The following HDLBP variants were observed in gnomAD, a reference collection of about 807,000 sequenced individuals.
HDLBP encodes the protein vigilin.
HDLBP carries 30 observed loss-of-function variants against 137.3 expected under a neutral mutation model. The observed-to-expected ratio is 0.22, with a 90% CI of 0.16 to 0.30. The LOEUF (loss-of-function observed/expected upper bound fraction) is 0.30. Ranked by LOEUF, HDLBP falls within the 10% of genes least tolerant of loss-of-function variation. The pLI is 1.00. For synonymous variants in HDLBP, 606 were observed against 596.0 expected (o/e 1.02, Z -0.24); for missense variants, 1,119 against 1,667.3 (o/e 0.67, Z 5.73).
Position 241,240,053 on chromosome 2 carries a change from C to A in HDLBP, c.2239G>T (p.Gly747Cys). Residue 747 changes from glycine (G) to cysteine (C), a missense_variant, in exon 18 of 28, where the codon GGC (glycine) becomes TGC (cysteine). By Grantham distance (159) the Gly-to-Cys change is radical (BLOSUM62 -3). This residue lies in a region of HDLBP where 618 missense variants were observed against 816.7 expected (regional missense o/e 0.76). Transcript: ENST00000310931. This position sits in a 1 kb window ranked among gnomAD's most constrained non-coding sequence, Gnocchi z 5.5. ...TCGCGCACCTTGCGAATTTTGCCGC[C>A]CCCCTTGCCGATGAGGAATTTGTGG... is the stretch of plus-strand genomic sequence containing the variant. ...EYHKFLIGKGGGKIRKVRDST... is the reference protein window; with the variant it reads ...EYHKFLIGKGCGKIRKVRDST... The A allele has an allele frequency of 2.5e-6, 4 of 1,614,184 alleles. No homozygotes were observed. Among genetic ancestry groups the A allele is most frequent in the Non-Finnish European group, 3.4e-6 (4 of 1,180,036 alleles).
rs923225159 is a variant in HDLBP, at chr2:241,272,626, G to C, written c.-102-4085C>G. 4.1e-6 allele frequency: 4 copies of C among 978,658 alleles called. No individual in the cohort carries two copies. Among genetic ancestry groups the C allele is most frequent in the Admixed American group, 6.2e-5 (1 of 16,088 alleles). 60.6% of individuals were successfully genotyped at this position (978,658 alleles called of 1,614,324 possible). A position where few individuals can be genotyped will look rare whatever the true frequency, so the allele number is the denominator to read the frequency against. On this transcript the variant is annotated intron_variant, in intron 1 of 27. Coordinates refer to ENST00000310931, the MANE Select transcript of HDLBP (RefSeq NM_005336.6). This position sits in a 1 kb window ranked among gnomAD's most constrained non-coding sequence, Gnocchi z 5.6. The stretch of plus-strand genomic sequence containing the variant: ...GGGGGCCGCAGCCTGGGGCCCGGGT[G>C]GGGGCCGCGGCACCCGGGCCCCTCC...
At chr2:241,266,182 C>T (rs2073659987) in intron 3 of HDLBP, among the ~76,000 whole-genome samples, 2 of 152,172 alleles carry the variant, frequency 1.3e-5, no homozygotes, top group South Asian at 4.1e-4. Flanking sequence ...AAATACACAT[C>T]AGACTTCGAA....
chr2:241,313,726 G>A (rs954871177), intron 1 of HDLBP, among the ~76,000 whole-genome samples: 16 of 152,172 alleles, frequency 1.1e-4, no homozygotes, highest in African/African-American at 3.4e-4. Flanking sequence ...AACAAAACCT[G>A]GAAAAATACG....
At chr2:241,248,383 C>T (rs746585399) in intron 12 of HDLBP, 35 bp from the exon 13 acceptor site, 2 of 1,538,760 alleles carry the variant, frequency 1.3e-6, no homozygotes, top group South Asian at 2.2e-5. Flanking sequence ...TCATTTATCA[C>T]AAGCACGGCG....
chr2:241,302,440 G>A (rs145426635), intron 1 of HDLBP, among the ~76,000 whole-genome samples: 59 of 152,186 alleles, frequency 3.9e-4, no homozygotes, highest in African/African-American at 1.3e-3. Context: ...CTAGCTACTC[G>A]GCAGAAGCAG....
At position 241,240,283 on chromosome 2, in the gene HDLBP, A is replaced by G; in HGVS notation, c.2170-161T>C. 5.9e-6 allele frequency: 4 copies of G among 673,702 alleles called. No individual in the cohort carries two copies. Among genetic ancestry groups the G allele is most frequent in the Non-Finnish European group, 1.1e-5 (4 of 372,480 alleles). 41.7% of individuals were successfully genotyped at this position (673,702 alleles called of 1,614,324 possible). Reference sequence around the variant, plus strand: ...CCCCAAAATGGGGCTAGCACACCTCACTGAATAAACAGATGAATACCCAGA... The same window carrying G: ...CCCCAAAATGGGGCTAGCACACCTCGCTGAATAAACAGATGAATACCCAGA... On this transcript the variant is annotated intron_variant, in intron 17 of 27. Transcript: ENST00000310931. This position sits in a 1 kb window ranked among gnomAD's most constrained non-coding sequence, Gnocchi z 5.5.
chr2:241,299,501 G>A (rs535550222), intron 1 of HDLBP, among the ~76,000 whole-genome samples: 1 of 70,476 alleles, frequency 1.4e-5, no homozygotes, highest in Admixed American at 2.1e-4. Flanking sequence ...GCCTGGCTCC[G>A]TCTCAAAAAA....
At chr2:241,312,173 T>C (rs2075775106) in intron 1 of HDLBP, among the ~76,000 whole-genome samples, 1 of 152,208 alleles carries the variant, frequency 6.6e-6, no homozygotes, top group Non-Finnish European at 1.5e-5. Context: ...TGAATGCTAA[T>C]AAAAAGTAGT....
intron 1 of HDLBP, among the ~76,000 whole-genome samples, chr2:241,304,681 C>T (rs1376196980): frequency 2.0e-5 from 3 of 152,182 alleles, no homozygotes; most frequent in Non-Finnish European, 2.9e-5. Flanking sequence ...AACTTTACAG[C>T]GTGTATTTCA....
intron 1 of HDLBP, among the ~76,000 whole-genome samples, chr2:241,277,234 C>G (rs1267496039): frequency 3.3e-5 from 5 of 151,920 alleles, no homozygotes; most frequent in Non-Finnish European, 5.9e-5. Flanking sequence ...TTAAGCCATC[C>G]TATTAGTGAA....
chr2:241,256,880 C>T, intron 5 of HDLBP, 74 bp from the exon 6 acceptor site: 1 of 1,267,278 alleles, frequency 7.9e-7, no homozygotes, highest in Non-Finnish European at 1.1e-6. Context: ...CCAAGACATT[C>T]TGGCAGAAAC....
intron 5 of HDLBP, among the ~76,000 whole-genome samples, chr2:241,261,063 T>C (rs573650203): frequency 2.0e-4 from 30 of 151,620 alleles, no homozygotes; most frequent in African/African-American, 7.3e-4. Context: ...GGCCTGATGG[T>C]GCATGCCTGC....
In HDLBP at chr2:241,239,704, G is replaced by A; in HGVS notation, c.2508C>T (p.Ser836=). The change falls in exon 19 of 28, where the codon AGC becomes AGT. Residue 836 remains serine (S), a synonymous_variant. Transcript: ENST00000310931. This position sits in a 1 kb window ranked among gnomAD's most constrained non-coding sequence, Gnocchi z 4.6. ...CGCTCTGTGTGCCAGAGCGTGGGAA[G>A]CTGACCATCACCCCGCCATACTCTT... is the stretch of plus-strand genomic sequence containing the variant. ...IAEEYGGVMV[S]FPRSGTQSDK... 6.2e-7 allele frequency: 1 copy of A among 1,614,208 alleles called. No homozygotes were observed. The highest frequency in any genetic ancestry group is 8.5e-7 in the Non-Finnish European group (1 of 1,180,044).
intron 10 of HDLBP, 118 bp downstream of exon 10, chr2:241,253,275 A>T: frequency 2.5e-6 from 2 of 791,560 alleles, no homozygotes; most frequent in Non-Finnish European, 4.6e-6. Flanking sequence ...TCACCCAGCT[A>T]GGATGCCCTG....
In HDLBP at chr2:241,271,102, C is replaced by T. The variant is rs987827064; in HGVS notation, c.-102-2561G>A. 2.0e-5 allele frequency: 20 copies of T among 985,338 alleles called. No homozygotes were observed. In the African/African-American group the frequency reaches 3.0e-4, roughly 15 times the overall value. 61.0% of individuals were successfully genotyped at this position (985,338 alleles called of 1,614,324 possible). A position where few individuals can be genotyped will look rare whatever the true frequency, so the allele number is the denominator to read the frequency against. ...CCTTTCTGGCCATGGAGAACAAGTCCGCTCTCCTCCAAGGCTCCTTCTGGT... is the reference window on the plus strand; with the variant it reads ...CCTTTCTGGCCATGGAGAACAAGTCTGCTCTCCTCCAAGGCTCCTTCTGGT... On this transcript the variant is annotated intron_variant, in intron 1 of 27. Transcript: ENST00000310931.
rs1207000044 is a variant in HDLBP, at chr2:241,240,772, G to C, written c.2170-650C>G. On this transcript the variant is annotated intron_variant, in intron 17 of 27. Coordinates refer to ENST00000310931, the MANE Select transcript of HDLBP (RefSeq NM_005336.6). The surrounding 1 kb of genome is among the most constrained non-coding windows in gnomAD (Gnocchi z 5.5). ...TGGCAGTAAGAAAACGAGGGTCCTG[G>C]AAAGGCCCCGGACACTGCTTGTGGA... Among the ~76,000 whole-genome samples, 1 of 152,106 alleles carries C rather than the reference G, an allele frequency of 6.6e-6. No individual in the cohort carries two copies. Among genetic ancestry groups the C allele is most frequent in the Non-Finnish European group, 1.5e-5 (1 of 68,016 alleles).
At chr2:241,279,604 G>A (rs185649638) in intron 1 of HDLBP, among the ~76,000 whole-genome samples, 9 of 152,270 alleles carry the variant, frequency 5.9e-5, no homozygotes, top group Admixed American at 3.9e-4. Context: ...AGATGTGGTC[G>A]TGTGGATCAG....
intron 11 of HDLBP, among the ~76,000 whole-genome samples, chr2:241,251,802 C>G (rs952399637): frequency 3.3e-5 from 5 of 152,066 alleles, no homozygotes; most frequent in African/African-American, 1.2e-4. Context: ...TGGTGAAATT[C>G]CATCTCTACT....
Position 241,248,211 on chromosome 2 carries a change from A to G in HDLBP, c.1617+33T>C, listed in dbSNP as rs116491954. ...CTGAAGTGTGACTTGGATCACTCCT[A>G]TAGAGTTACAGAATGTCTCTGGGAA... On this transcript the variant is annotated intron_variant, in intron 13 of 27. Transcript: ENST00000310931. The G allele has an allele frequency of 8.9e-3, 14,070 of 1,573,730 alleles. 146 individuals carry two copies. The highest frequency in any genetic ancestry group is 0.05 in the African/African-American group (3,731 of 74,178).
Sources: allele counts gnomAD v4.1 joint callset (sites outside exome capture counted in the v4.1 genomes callset), GRCh38; gene constraint gnomAD v4.1.1; regional missense constraint gnomAD v4.1.1; non-coding constraint Gnocchi (gnomAD v3.1); transcripts MANE v1.5; gene names NCBI Gene and HGNC (gene_info 2026-07-23, HGNC 2026-07-21).